The following EFHB variants were observed in gnomAD, a reference collection of about 807,000 sequenced individuals.
The protein encoded by EFHB is EF-hand domain family member B.
Under a neutral mutation model 87.2 loss-of-function variants are expected in EFHB, and 91 were observed. That is an observed-to-expected ratio of 1.04 (90% CI 0.88 to 1.24). The LOEUF is 1.24. Among genes scored for constraint, EFHB ranks in the 50% most tolerant of loss-of-function variants. EFHB has a pLI of 0.00. For missense variants in EFHB, 1,084 were observed against 998.8 expected, an observed-to-expected ratio of 1.09 and a Z score of -1.15; for synonymous variants, 325 against 333.6, an observed-to-expected ratio of 0.97 and a Z score of 0.28.
chr3:19,932,922 A>C (rs1395096096), intron 1 of EFHB, among the ~76,000 whole-genome samples: 1 of 152,200 alleles, frequency 6.6e-6, no homozygotes, highest in Non-Finnish European at 1.5e-5. Context: ...AGGGCACAGC[A>C]TGTATCTTCA....
intron 11 of EFHB, among the ~76,000 whole-genome samples, chr3:19,883,683 A>G (rs943064088): frequency 6.6e-6 from 1 of 152,184 alleles, no homozygotes; most frequent in Non-Finnish European, 1.5e-5. Context: ...ATACTGGAGT[A>G]TGGTGGGCCC....
rs1283654430 is a variant in EFHB at position 19,919,911 on chromosome 3, T to A, written c.918A>T (p.Arg306Ser). 3.1e-6 allele frequency: 5 copies of A among 1,613,830 alleles called. No individual in the cohort carries two copies. Among genetic ancestry groups the A allele is most frequent in the Non-Finnish European group, 4.2e-6 (5 of 1,179,776 alleles). Residue 306 changes from arginine to serine, a missense_variant, in exon 3 of 13, where the codon AGA becomes AGT. By Grantham distance (110) the Arg-to-Ser change is moderately radical (BLOSUM62 -1). Coordinates refer to ENST00000295824, the MANE Select transcript of EFHB (RefSeq NM_144715.4). ...GATCATTTGCTCTTCCGTAAAATAC[T>A]CTTTCTACTCCAGCAGGTGGATATC... ...NFRYPPAGVE[R>S]VFYGRANDPQ...
upstream of EFHB, among the ~76,000 whole-genome samples, chr3:19,937,345 T>G (rs1696048414): frequency 6.6e-6 from 1 of 152,214 alleles, no homozygotes; most frequent in Non-Finnish European, 1.5e-5. Flanking sequence ...ATGCACATGT[T>G]CCATACTCAA....
intron 9 of EFHB, among the ~76,000 whole-genome samples, chr3:19,891,103 G>A (rs1694291545): frequency 2.0e-5 from 3 of 152,136 alleles, no homozygotes; most frequent in Admixed American, 1.3e-4. Context: ...CTATCAATCA[G>A]TTGTGCAGGC....
chr3:19,939,608 T>C (rs1250767981), intron 1 of EFHB, among the ~76,000 whole-genome samples: 1 of 151,850 alleles, frequency 6.6e-6, no homozygotes, highest in Non-Finnish European at 1.5e-5. Context: ...ATGGTCTCTA[T>C]CTCCTGACCT....
chr3:19,946,867 G>C (rs1696300549), intron 1 of EFHB: 1 of 152,338 alleles, frequency 6.6e-6, no homozygotes, highest in Non-Finnish European at 1.5e-5. Flanking sequence ...GGAGCCCAGA[G>C]ACCCCCCAGC....
At position 19,884,547 on chromosome 3, in the gene EFHB, T is replaced by C; in HGVS notation, c.2002A>G (p.Lys668Glu). ...VEEPEQTLLI[K>E]PEDIVLKEAG... ...TCTTTTAAGACAATATCTTCTGGCT[T>C]TATGAGGAGAGTTTGTTCAGGTTCT... The change falls in exon 11 of 13, where the codon AAG becomes GAG. Residue 668 changes from lysine (K) to glutamate (E), a missense_variant. By Grantham distance (56) the Lys-to-Glu change is moderately conservative. Transcript: ENST00000295824. 1 of 1,614,010 alleles carries C rather than the reference T, an allele frequency of 6.2e-7. No homozygotes were observed. The highest frequency in any genetic ancestry group is 8.5e-7 in the Non-Finnish European group (1 of 1,179,902).
At chr3:19,915,081 CCT>C (rs1695180636) in intron 5 of EFHB, among the ~76,000 whole-genome samples, 1 of 151,686 alleles carries the variant, frequency 6.6e-6, no homozygotes, top group Non-Finnish European at 1.5e-5. Context: ...AACAGAGACC[CCT>C]GTCTAAAAAA....
At chr3:19,900,966 ATGTT>A (rs1158043286) in intron 6 of EFHB, among the ~76,000 whole-genome samples, 1 of 152,172 alleles carries the variant, frequency 6.6e-6, no homozygotes, top group Non-Finnish European at 1.5e-5. Context: ...TGTATAAAAA[ATGTT>A]TGTAGCCTCA....
chr3:19,905,804 T>A, intron 5 of EFHB, 55 bp from the exon 6 acceptor site: 1 of 1,530,668 alleles, frequency 6.5e-7, no homozygotes, highest in Non-Finnish European at 8.8e-7. Flanking sequence ...AACCTTATCA[T>A]GCAAGATGCA....
chr3:19,900,923 T>C (rs1329555350), intron 6 of EFHB, among the ~76,000 whole-genome samples: 5 of 123,106 alleles, frequency 4.1e-5, no homozygotes, highest in African/African-American at 1.7e-4. Context: ...AGTGAGCCTG[T>C]CTCAAAAAAA....
chr3:19,934,711 A>G (rs932250053), upstream of EFHB, among the ~76,000 whole-genome samples: 2 of 152,178 alleles, frequency 1.3e-5, no homozygotes, highest in Admixed American at 6.5e-5. Flanking sequence ...GTGATGATGA[A>G]CAAATAAACT....
chr3:19,932,714 C>G (rs1416064308), intron 1 of EFHB, among the ~76,000 whole-genome samples: 1 of 152,196 alleles, frequency 6.6e-6, no homozygotes, highest in African/African-American at 2.4e-5. Flanking sequence ...TAACTGTATA[C>G]TATTCCTTTA....
At chr3:19,939,656 T>A (rs1696111251) in intron 1 of EFHB, among the ~76,000 whole-genome samples, 1 of 152,080 alleles carries the variant, frequency 6.6e-6, no homozygotes, top group Non-Finnish European at 1.5e-5. Context: ...AGTGCTGGGA[T>A]TACAGGCGTG....
Position 19,896,768 on chromosome 3 carries a change from A to C in EFHB, c.1644T>G (p.Ile548Met). Residue 548 changes from isoleucine (I) to methionine (M), a missense_variant, in exon 9 of 13, where the codon ATT becomes ATG. Coordinates refer to ENST00000295824, the MANE Select transcript of EFHB (RefSeq NM_144715.4). Reference protein sequence around the residue: ...LRGKDRQRALIAAVRHHLKKV... With the variant: ...LRGKDRQRALMAAVRHHLKKV... ...TCTTCAGGTGATGCCGAACTGCTGC[A>C]ATCAGGGCTCGCTGTCTATCCTTGC... 1 of 1,613,042 alleles carries C rather than the reference A, an allele frequency of 6.2e-7. No homozygotes were observed. Among genetic ancestry groups the C allele is most frequent in the East Asian group, 2.2e-5 (1 of 44,890 alleles).
intron 5 of EFHB, among the ~76,000 whole-genome samples, chr3:19,914,206 A>G (rs576329912): frequency 6.6e-6 from 1 of 152,296 alleles, no homozygotes; most frequent in South Asian, 2.1e-4. Flanking sequence ...TGAGATTACA[A>G]GAGTGAGCCA....
In EFHB at chr3:19,879,792, A is replaced by G. The variant is rs1559439945; in HGVS notation, c.2341T>C (p.Leu781=). 1.3e-5 allele frequency: 21 copies of G among 1,592,892 alleles called. No homozygotes were observed. Among genetic ancestry groups the G allele is most frequent in the Non-Finnish European group, 1.7e-5 (20 of 1,172,692 alleles). The change falls in exon 13 of 13, where the codon TTG becomes CTG. Residue 781 remains leucine, a synonymous_variant. Transcript: ENST00000295824. ...TRSKEEIAEI[L]CNIGVKLSDE... ...GACAGTTTGACACCAATGTTACACA[A>G]TATCTCTGCAATCTAGAAAAAGGCA...
At chr3:19,917,078 C>A (rs907583310) in intron 4 of EFHB, among the ~76,000 whole-genome samples, 28 of 151,842 alleles carry the variant, frequency 1.8e-4, no homozygotes, top group African/African-American at 6.3e-4. Context: ...TTAAACCTAT[C>A]GAAAAGAAGA....
chr3:19,945,527 C>A (rs1158458704), intron 1 of EFHB, among the ~76,000 whole-genome samples: 1 of 152,126 alleles, frequency 6.6e-6, no homozygotes, highest in Non-Finnish European at 1.5e-5. Context: ...TTCTGCAGTT[C>A]CAAGTCTGGG....
Sources: allele counts gnomAD v4.1 joint callset (sites outside exome capture counted in the v4.1 genomes callset), GRCh38; gene constraint gnomAD v4.1.1; transcripts MANE v1.5; gene names NCBI Gene and HGNC (gene_info 2026-07-23, HGNC 2026-07-21).